METAP1D: variants seen among roughly 807,000 people sequenced by gnomAD.
The protein encoded by METAP1D is methionine aminopeptidase 1D, mitochondrial.
Under a neutral mutation model 40.5 loss-of-function variants are expected in METAP1D, and 31 were observed. That is an observed-to-expected ratio of 0.77 (90% CI 0.58 to 1.03). METAP1D has a LOEUF of 1.03. METAP1D is among the 50% of genes least tolerant of loss of function. METAP1D has a pLI of 0.00. For synonymous variants in METAP1D, 151 were observed against 146.4 expected, an observed-to-expected ratio of 1.03 and a Z score of -0.22; for missense variants, 411 against 420.7, an observed-to-expected ratio of 0.98 and a Z score of 0.20.
In METAP1D at chr2:172,035,202, T is replaced by C. The variant is rs566560672; in HGVS notation, c.41-26296T>C. Among the ~76,000 whole-genome samples, 11 of 152,220 alleles carry C rather than the reference T, an allele frequency of 7.2e-5. No individual in the cohort carries two copies. In the South Asian group the frequency reaches 2.3e-3, roughly 32 times the overall value. On this transcript the variant is annotated intron_variant, in intron 1 of 9. Transcript: ENST00000315796. ...TGTTTTGAGACGGAGTCTCGCCCTG[T>C]CACCCAGGCTGGAGTGCAGTGGCCC...
rs745633029 is a variant in METAP1D, at chr2:172,042,814, C to CGTGT, written c.41-18677_41-18674dup. On this transcript the variant is annotated intron_variant, in intron 1 of 9. Coordinates refer to ENST00000315796, the MANE Select transcript of METAP1D (RefSeq NM_199227.3). Reference sequence around the variant, plus strand: ...GTGTGTGTGTATATGTACACATATACGTGTGTGTGTATATGTACACATATA... The same window carrying CGTGT: ...GTGTGTGTGTATATGTACACATATACGTGTGTGTGTGTGTATATGTACACATATA... Among the ~76,000 whole-genome samples the CGTGT allele has an allele frequency of 1.9e-3, 59 of 30,524 alleles. 26 individuals are homozygous for CGTGT. The highest frequency in any genetic ancestry group is 0.011 in the South Asian group (6 of 522). The allele number at this position is 30,524 out of a possible 152,430, so 20.0% of individuals were successfully genotyped here. A position where few individuals can be genotyped will look rare whatever the true frequency, so the allele number is the denominator to read the frequency against.
chr2:172,030,401 A>AT (rs1181230437), intron 1 of METAP1D, among the ~76,000 whole-genome samples: 1 of 152,150 alleles, frequency 6.6e-6, no homozygotes, highest in African/African-American at 2.4e-5. Context: ...GTAAGCCTAC[A>AT]TTTTTAAAAA....
chr2:172,019,399 C>T (rs1357939358), intron 1 of METAP1D, among the ~76,000 whole-genome samples: 1 of 151,952 alleles, frequency 6.6e-6, no homozygotes, highest in Admixed American at 6.6e-5. Flanking sequence ...AACCGCAAAA[C>T]AAGAATAGAA....
chr2:172,068,927 T>A (rs942690586), intron 5 of METAP1D, among the ~76,000 whole-genome samples: 5 of 152,034 alleles, frequency 3.3e-5, no homozygotes, highest in Non-Finnish European at 7.4e-5. Context: ...TTTCTTTTTT[T>A]ACTTTTTCAG....
chr2:172,077,705 T>G, intron 6 of METAP1D, 92 bp from the exon 7 acceptor site: 1 of 593,058 alleles, frequency 1.7e-6, no homozygotes, highest in South Asian at 2.6e-5. Context: ...CTTTTTCTTT[T>G]TCAGAGAATA....
intron 1 of METAP1D, among the ~76,000 whole-genome samples, chr2:172,005,151 CTTAT>C (rs1427059695): frequency 2.6e-5 from 4 of 151,846 alleles, no homozygotes; most frequent in Non-Finnish European, 5.9e-5. Flanking sequence ...TTCTTTCTTT[CTTAT>C]TTATTTATTT....
intron 1 of METAP1D, among the ~76,000 whole-genome samples, chr2:172,057,643 T>G (rs1001131178): frequency 1.3e-5 from 2 of 152,172 alleles, no homozygotes; most frequent in African/African-American, 4.8e-5. Flanking sequence ...TTTCCCTGTG[T>G]TTTAGCTCCT....
At chr2:172,030,508 G>T (rs1258002736) in intron 1 of METAP1D, among the ~76,000 whole-genome samples, 2 of 152,110 alleles carry the variant, frequency 1.3e-5, no homozygotes, top group East Asian at 1.9e-4. Flanking sequence ...GTTATAGAGG[G>T]ATATTCTAAA....
intron 1 of METAP1D, among the ~76,000 whole-genome samples, chr2:172,027,746 T>G (rs1689150456): frequency 6.6e-6 from 1 of 152,240 alleles, no homozygotes; most frequent in South Asian, 2.1e-4. Context: ...TGTGCTAAAG[T>G]TTGCATGAAG....
intron 1 of METAP1D, among the ~76,000 whole-genome samples, chr2:172,029,556 T>G (rs998667381): frequency 2.0e-5 from 3 of 152,246 alleles, no homozygotes; most frequent in African/African-American, 7.2e-5. Context: ...AGAGAAACTG[T>G]CAATATTACA....
chr2:172,080,681 C>G lies in METAP1D; in HGVS notation c.*275C>G. The stretch of plus-strand genomic sequence containing the variant: ...GCATCTGGAGGGGACTGGAGGAAAC[C>G]CCCTTGTTGGAAGAGATTCCAAGAG... On this transcript the variant is annotated 3_prime_UTR_variant, in exon 10 of 10. Coordinates refer to ENST00000315796, the MANE Select transcript of METAP1D (RefSeq NM_199227.3). 3.5e-6 allele frequency: 2 copies of G among 570,844 alleles called. No homozygotes were observed. The highest frequency in any genetic ancestry group is 4.6e-4 in the Middle Eastern group (1 of 2,166). The allele number at this position is 570,844 out of a possible 1,614,324, so 35.4% of individuals were successfully genotyped here. A position where few individuals can be genotyped will look rare whatever the true frequency, so the allele number is the denominator to read the frequency against.
At chr2:172,035,147 G>GTTTT (rs539548685) in intron 1 of METAP1D, among the ~76,000 whole-genome samples, 25 of 147,746 alleles carry the variant, frequency 1.7e-4, no homozygotes, top group African/African-American at 5.4e-4. Flanking sequence ...ACTGTACTGT[G>GTTTT]TTTTTTTTTT....
intron 1 of METAP1D, among the ~76,000 whole-genome samples, chr2:172,024,803 G>A (rs962622799): frequency 2.9e-5 from 4 of 135,804 alleles, no homozygotes; most frequent in African/African-American, 1.1e-4. Flanking sequence ...AATCTTGAAG[G>A]GTCAAAAGGA....
At chr2:172,020,225 T>G (rs1264232354) in intron 1 of METAP1D, among the ~76,000 whole-genome samples, 3 of 152,186 alleles carry the variant, frequency 2.0e-5, no homozygotes, top group Non-Finnish European at 2.9e-5. Flanking sequence ...GACCTCATGA[T>G]CCACCCGCCT....
chr2:172,023,427 C>T (rs1042714414), intron 1 of METAP1D, among the ~76,000 whole-genome samples: 1 of 152,150 alleles, frequency 6.6e-6, no homozygotes, highest in African/African-American at 2.4e-5. Flanking sequence ...CCTGACCTCA[C>T]CAGATGATGT....
Position 172,045,727 on chromosome 2 carries a change from G to A in METAP1D, c.41-15771G>A, listed in dbSNP as rs192702286. Among the ~76,000 whole-genome samples the A allele has an allele frequency of 2.1e-4, 17 of 82,150 alleles. 1 individual carries two copies. Among genetic ancestry groups the A allele is most frequent in the African/African-American group, 2.8e-4 (7 of 25,148 alleles). 53.9% of individuals were successfully genotyped at this position (82,150 alleles called of 152,430 possible). Reference sequence around the variant, plus strand: ...TGTGTGTGTGTGTGTGTGTGTGTGTGTGTGTATATATATGTGTATATATGT... The same window carrying A: ...TGTGTGTGTGTGTGTGTGTGTGTGTATGTGTATATATATGTGTATATATGT... On this transcript the variant is annotated intron_variant, in intron 1 of 9. Coordinates refer to ENST00000315796, the MANE Select transcript of METAP1D (RefSeq NM_199227.3).
chr2:172,057,416 A>C (rs1317019469), intron 1 of METAP1D, among the ~76,000 whole-genome samples: 1 of 152,168 alleles, frequency 6.6e-6, no homozygotes, highest in Non-Finnish European at 1.5e-5. Flanking sequence ...GTGGAATCAT[A>C]GATTGAGTCC....
At chr2:172,031,085 T>C (rs1172864443) in intron 1 of METAP1D, among the ~76,000 whole-genome samples, 5 of 152,248 alleles carry the variant, frequency 3.3e-5, no homozygotes, top group African/African-American at 1.2e-4. Flanking sequence ...ATAAAACAGG[T>C]TATTATTAAC....
At chr2:172,027,652 G>C (rs1218037461) in intron 1 of METAP1D, among the ~76,000 whole-genome samples, 1 of 152,252 alleles carries the variant, frequency 6.6e-6, no homozygotes, top group Non-Finnish European at 1.5e-5. Context: ...GTGTACACGT[G>C]TGTATGTCAT....
Sources: gnomAD v4.1 joint callset for allele counts (sites outside exome capture counted in the v4.1 genomes callset) on GRCh38, gnomAD v4.1.1 for gene constraint, MANE v1.5 for transcripts, NCBI Gene and HGNC (gene_info 2026-07-23, HGNC 2026-07-21) for gene names.